Variants in ZMYND12 observed in about 807,000 individuals in gnomAD.
ZMYND12 encodes zinc finger MYND-type containing 12, also known as zinc finger MYND domain-containing protein 12.
ZMYND12 carries 32 observed loss-of-function variants against 41.7 expected under a neutral mutation model. That is an observed-to-expected ratio of 0.77 (90% confidence interval 0.58 to 1.03). The LOEUF (loss-of-function observed/expected upper bound fraction) is 1.03, where lower values mean the gene tolerates loss of function less well. Ranked by LOEUF, ZMYND12 falls within the 50% of genes least tolerant of loss-of-function variation. The pLI, the probability that ZMYND12 is intolerant of heterozygous loss-of-function variation, is 0.00. For synonymous variants in ZMYND12, 148 were observed against 164.8 expected, an observed-to-expected ratio of 0.90 and a Z score of 0.78; for missense variants, 424 against 438.5, an observed-to-expected ratio of 0.97 and a Z score of 0.30.
Position 42,448,654 on chromosome 1 carries a change from A to G in ZMYND12, c.253-16T>C, listed in dbSNP as rs751156115. The G allele has an allele frequency of 7.5e-6, 12 of 1,601,160 alleles. No homozygotes were observed. The South Asian group carries it at 1.1e-4, about 15-fold the overall frequency. On this transcript the variant is annotated splice_polypyrimidine_tract_variant and intron_variant, in intron 2 of 7. Coordinates refer to ENST00000372565, the MANE Select transcript of ZMYND12 (RefSeq NM_032257.5). ...TCAAATACTTCTGTGGAAGAGAGAA[A>G]CAGACTATCTGAGACAGTCTAAAGT... is the stretch of plus-strand genomic sequence containing the variant.
intron 5 of ZMYND12, 56 bp from the exon 6 acceptor site, chr1:42,435,441 C>T: frequency 7.3e-7 from 1 of 1,369,822 alleles, no homozygotes; most frequent in South Asian, 1.2e-5. Flanking sequence ...GCCGTCGGAC[C>T]AGGCAGGTGA....
rs145230264 is a variant in ZMYND12 at position 42,433,182 on chromosome 1, G to A, written c.936C>T (p.Ile312=). The A allele has an allele frequency of 7.8e-5, 126 of 1,609,740 alleles. No homozygotes were observed. The African/African-American group carries it at 1.4e-3, about 18-fold the overall frequency. The change falls in exon 7 of 8, where the codon ATC becomes ATT. Residue 312 remains isoleucine, a synonymous_variant. Coordinates refer to ENST00000372565, the MANE Select transcript of ZMYND12 (RefSeq NM_032257.5). ...TCATCAGGTAGTAAAACATGACCAG[G>A]ATCTTCAGAACAAAGATGGTTTTTT... ...APQKTIFVLK[I]LVMFYYLMMN... is the part of the protein sequence containing the mutation.
chr1:42,455,873 C>A lies in ZMYND12; in HGVS notation c.110+15G>T. 1 of 1,591,560 alleles carries A rather than the reference C, an allele frequency of 6.3e-7. No individual in the cohort carries two copies. The highest frequency in any genetic ancestry group is 8.6e-7 in the Non-Finnish European group (1 of 1,164,770). ...AGGGAGTTATAGCGCCCAGGTGCCA[C>A]GTTTCAGGGCCTACCAGTAATAAGT... is the stretch of plus-strand genomic sequence containing the variant. On this transcript the variant is annotated intron_variant, in intron 1 of 7. Transcript: ENST00000372565.
intron 2 of ZMYND12, among the ~76,000 whole-genome samples, chr1:42,449,705 T>A (rs1443688231): frequency 6.6e-6 from 1 of 152,184 alleles, no homozygotes; most frequent in Non-Finnish European, 1.5e-5. Context: ...TTTGTGATAT[T>A]TGATTGTGAC....
chr1:42,436,376 C>A, intron 5 of ZMYND12, 45 bp downstream of exon 5: 1 of 1,608,916 alleles, frequency 6.2e-7, no homozygotes, highest in Non-Finnish European at 8.5e-7. Flanking sequence ...TTGTAAGACA[C>A]CAAGCCTAAG....
At chr1:42,441,584 T>C (rs919488900) in intron 3 of ZMYND12, among the ~76,000 whole-genome samples, 2 of 152,008 alleles carry the variant, frequency 1.3e-5, no homozygotes, top group Non-Finnish European at 2.9e-5. Context: ...TTTCTTTTTT[T>C]GTTTATAAGC....
At chr1:42,435,606 G>C (rs1642898063) in intron 5 of ZMYND12, 2 of 472,856 alleles carry the variant, frequency 4.2e-6, no homozygotes, top group African/African-American at 2.0e-5. Flanking sequence ...AGCTCATCTT[G>C]GGGTAGCCCT....
rs765274229 is a variant in ZMYND12, at chr1:42,430,852, CCTG to C, written c.979_981del (p.Gln327del). On this transcript the variant is annotated inframe_deletion, in exon 8 of 8. Coordinates refer to ENST00000372565, the MANE Select transcript of ZMYND12 (RefSeq NM_032257.5). Reference sequence around the variant, plus strand: ...AGACTGAGGGCCCTCATGCCATATTCCTGTGCCTGAAATAGAATTGCAGTGACA... The same window carrying C: ...AGACTGAGGGCCCTCATGCCATATTCTGCCTGAAATAGAATTGCAGTGACA... 4.5e-5 allele frequency: 73 copies of C among 1,614,002 alleles called. No homozygotes were observed. The highest frequency in any genetic ancestry group is 5.8e-5 in the Non-Finnish European group (68 of 1,179,994).
At chr1:42,443,287 G>A (rs188391566) in intron 3 of ZMYND12, among the ~76,000 whole-genome samples, 12 of 152,322 alleles carry the variant, frequency 7.9e-5, no homozygotes, top group East Asian at 1.9e-4. Context: ...CAGTGAGTGC[G>A]TAAGTTCAGG....
chr1:42,451,964 G>C (rs2148410957), intron 1 of ZMYND12, among the ~76,000 whole-genome samples: 1 of 152,284 alleles, frequency 6.6e-6, no homozygotes, highest in South Asian at 2.1e-4. Context: ...CTAACACAGG[G>C]TCAGGGATAA....
intron 4 of ZMYND12, among the ~76,000 whole-genome samples, chr1:42,439,098 C>G (rs1177354725): frequency 6.6e-6 from 1 of 152,138 alleles, no homozygotes; most frequent in Non-Finnish European, 1.5e-5. Flanking sequence ...AAATAATAGC[C>G]AAGGTACTAT....
At chr1:42,438,973 C>T (rs1434961086) in intron 4 of ZMYND12, among the ~76,000 whole-genome samples, 1 of 152,214 alleles carries the variant, frequency 6.6e-6, no homozygotes, top group Non-Finnish European at 1.5e-5. Context: ...TCATCCTCAA[C>T]ATCCCATCTA....
rs963435501 is a variant in ZMYND12, at chr1:42,438,024, T to C, written c.595-1481A>G. On this transcript the variant is annotated intron_variant, in intron 4 of 7. Coordinates refer to ENST00000372565, the MANE Select transcript of ZMYND12 (RefSeq NM_032257.5). Reference sequence around the variant, plus strand: ...CGGGGTTTCACCATATTGGTCAGGCTGGTCTCGAACTCCTGACCTCATGAT... The same window carrying C: ...CGGGGTTTCACCATATTGGTCAGGCCGGTCTCGAACTCCTGACCTCATGAT... 3.3e-5 allele frequency among the ~76,000 whole-genome samples: 5 copies of C among 151,532 alleles called. No individual in the cohort carries two copies. In the East Asian group the frequency reaches 9.8e-4, roughly 30 times the overall value.
chr1:42,455,752 G>A (rs952313679), intron 1 of ZMYND12, 136 bp downstream of exon 1: 3 of 623,414 alleles, frequency 4.8e-6, no homozygotes, highest in Admixed American at 3.0e-5. Flanking sequence ...GAGTCTTAGG[G>A]GCCTGTCTTA....
chr1:42,443,883 A>C (rs1430393025), intron 3 of ZMYND12, among the ~76,000 whole-genome samples: 1 of 152,132 alleles, frequency 6.6e-6, no homozygotes, highest in Non-Finnish European at 1.5e-5. Flanking sequence ...AAATAGACAA[A>C]ACATGAGTGC....
intron 1 of ZMYND12, among the ~76,000 whole-genome samples, chr1:42,455,578 T>A (rs537811241): frequency 6.6e-6 from 1 of 152,362 alleles, no homozygotes; most frequent in South Asian, 2.1e-4. Flanking sequence ...CCGGCCTGTT[T>A]CTTTACTGAT....
chr1:42,439,559 C>T lies in ZMYND12; in HGVS notation c.594+297G>A, dbSNP rs186537419. On this transcript the variant is annotated intron_variant, in intron 4 of 7. Transcript: ENST00000372565. Reference sequence around the variant, plus strand: ...GATTACAGGCATGAGCCACCATGCCCGGCCAGCAAAGCCCTTCTCTTAACG... The same window carrying T: ...GATTACAGGCATGAGCCACCATGCCTGGCCAGCAAAGCCCTTCTCTTAACG... Among the ~76,000 whole-genome samples, 354 of 152,262 alleles carry T rather than the reference C, an allele frequency of 2.3e-3. 2 individuals carry two copies. Among genetic ancestry groups the T allele is most frequent in the African/African-American group, 8.1e-3 (336 of 41,556 alleles).
chr1:42,442,041 G>A (rs533523352), intron 3 of ZMYND12, among the ~76,000 whole-genome samples: 5 of 152,102 alleles, frequency 3.3e-5, no homozygotes, highest in Admixed American at 1.3e-4. Context: ...GGACTGTATC[G>A]GCCTGTGATG....
chr1:42,442,920 C>A (rs375544566), intron 3 of ZMYND12, among the ~76,000 whole-genome samples: 1 of 152,112 alleles, frequency 6.6e-6, no homozygotes, highest in African/African-American at 2.4e-5. Flanking sequence ...GTGAACATGG[C>A]AAGTCACATC....
Sources: allele counts gnomAD v4.1 joint callset (sites outside exome capture counted in the v4.1 genomes callset), GRCh38; gene constraint gnomAD v4.1.1; transcripts MANE v1.5; gene names NCBI Gene and HGNC (gene_info 2026-07-23, HGNC 2026-07-21).